The following ZZZ3 variants were observed in gnomAD, a reference collection of about 807,000 sequenced individuals.
ZZZ3 encodes ZZ-type zinc finger-containing protein 3.
Under a neutral mutation model 95.2 loss-of-function variants are expected in ZZZ3, and 22 were observed. That is an observed-to-expected ratio of 0.23 (90% confidence interval 0.17 to 0.33). ZZZ3 has a LOEUF of 0.33. ZZZ3 is among the 10% of genes least tolerant of loss of function. ZZZ3 has a pLI of 1.00. For missense variants in ZZZ3, 885 were observed against 1,066.5 expected, an observed-to-expected ratio of 0.83 and a Z score of 2.37; for synonymous variants, 335 against 358.9, an observed-to-expected ratio of 0.93 and a Z score of 0.75.
chr1:77,624,401 T>C (rs1311192206), intron 5 of ZZZ3, among the ~76,000 whole-genome samples: 1 of 152,130 alleles, frequency 6.6e-6, no homozygotes, highest in Non-Finnish European at 1.5e-5. Context: ...GCCCCAACCC[T>C]TGTGTGCTCT....
intron 4 of ZZZ3, among the ~76,000 whole-genome samples, chr1:77,635,648 G>C (rs1215970596): frequency 6.6e-6 from 1 of 152,208 alleles, no homozygotes; most frequent in Non-Finnish European, 1.5e-5. Flanking sequence ...GCTCATGCCT[G>C]TAATCCCGGT....
intron 1 of ZZZ3, among the ~76,000 whole-genome samples, chr1:77,649,963 A>T (rs930777997): frequency 4.6e-5 from 7 of 152,206 alleles, no homozygotes; most frequent in Non-Finnish European, 8.8e-5. Context: ...TTTATAACAT[A>T]AATGGGAGTA....
At chr1:77,669,747 T>C (rs1028152967) in intron 1 of ZZZ3, among the ~76,000 whole-genome samples, 2 of 152,072 alleles carry the variant, frequency 1.3e-5, no homozygotes, top group Non-Finnish European at 2.9e-5. Flanking sequence ...CGTGAGCCAC[T>C]GCGCCCCGGC....
chr1:77,619,720 C>T (rs951875039), intron 5 of ZZZ3, among the ~76,000 whole-genome samples: 2 of 152,076 alleles, frequency 1.3e-5, no homozygotes, highest in East Asian at 3.8e-4. Context: ...AGGTAACAAA[C>T]TCGGACAACT....
chr1:77,646,127 T>C (rs951987445), intron 1 of ZZZ3, among the ~76,000 whole-genome samples: 2 of 152,202 alleles, frequency 1.3e-5, no homozygotes, highest in African/African-American at 2.4e-5. Flanking sequence ...TCTCAAATTG[T>C]TCCTACCTCT....
intron 5 of ZZZ3, among the ~76,000 whole-genome samples, chr1:77,613,563 C>T (rs1349581771): frequency 6.6e-6 from 1 of 151,590 alleles, no homozygotes; most frequent in East Asian, 1.9e-4. Context: ...GACTGAGGAA[C>T]CAAAATGTCT....
chr1:77,629,599 C>A (rs1351155629), intron 5 of ZZZ3, among the ~76,000 whole-genome samples: 1 of 152,074 alleles, frequency 6.6e-6, no homozygotes, highest in Non-Finnish European at 1.5e-5. Flanking sequence ...GCACTCCAGC[C>A]CGGGTGGCAG....
At chr1:77,643,448 A>G (rs1668966308) in intron 1 of ZZZ3, among the ~76,000 whole-genome samples, 1 of 152,226 alleles carries the variant, frequency 6.6e-6, no homozygotes, top group African/African-American at 2.4e-5. Flanking sequence ...AGAAGTTTAA[A>G]AAACAGCATT....
intron 1 of ZZZ3, among the ~76,000 whole-genome samples, chr1:77,646,374 C>CT (rs1557759049): frequency 6.6e-6 from 1 of 152,010 alleles, no homozygotes; most frequent in African/African-American, 2.4e-5. Context: ...GTGCATGCCA[C>CT]TACGCCCAGC....
rs778066272 is a variant in ZZZ3, at chr1:77,633,390, C to G, written c.-36G>C. 3.3e-6 allele frequency: 5 copies of G among 1,537,258 alleles called. No homozygotes were observed. The Admixed American group carries it at 6.5e-5, about 20-fold the overall frequency. ...GTCCCTACAATACGGTCATCATGAT[C>G]CACTCATTGGGAAACCTTCAAAAAT... On this transcript the variant is annotated 5_prime_UTR_variant, in exon 5 of 15. Transcript: ENST00000370801.
intron 5 of ZZZ3, among the ~76,000 whole-genome samples, chr1:77,630,559 A>C (rs1294498522): frequency 2.0e-5 from 3 of 151,576 alleles, no homozygotes; most frequent in Admixed American, 6.6e-5. Context: ...TTTCTAATAC[A>C]AAAAAAACTT....
chr1:77,601,979 C>T (rs1230561135), intron 5 of ZZZ3, among the ~76,000 whole-genome samples: 2 of 152,264 alleles, frequency 1.3e-5, no homozygotes, highest in South Asian at 2.1e-4. Flanking sequence ...AAGGAAGTTC[C>T]GCTCTGCTAA....
At chr1:77,582,768 G>A (rs1662657430) in intron 6 of ZZZ3, among the ~76,000 whole-genome samples, 1 of 149,700 alleles carries the variant, frequency 6.7e-6, no homozygotes, top group African/African-American at 2.5e-5. Flanking sequence ...AAATTATTAA[G>A]ATGGTCAACA....
At chr1:77,593,671 C>T (rs980274691) in intron 5 of ZZZ3, among the ~76,000 whole-genome samples, 7 of 152,074 alleles carry the variant, frequency 4.6e-5, no homozygotes, top group Admixed American at 3.3e-4. Context: ...CAACTATAGG[C>T]TATTTGATTT....
At chr1:77,614,380 T>C (rs536146667) in intron 5 of ZZZ3, among the ~76,000 whole-genome samples, 48 of 152,306 alleles carry the variant, frequency 3.2e-4, no homozygotes, top group Non-Finnish European at 1.9e-4. Flanking sequence ...TTCAAAGAGA[T>C]TGACTCCTTC....
chr1:77,670,035 T>C (rs1336817866), intron 1 of ZZZ3, among the ~76,000 whole-genome samples: 3 of 148,990 alleles, frequency 2.0e-5, no homozygotes, highest in African/African-American at 7.5e-5. Context: ...GACTAACAAA[T>C]TCCCCCAAAA....
chr1:77,665,970 G>A (rs1671212543), intron 1 of ZZZ3, among the ~76,000 whole-genome samples: 2 of 152,198 alleles, frequency 1.3e-5, no homozygotes, highest in African/African-American at 4.8e-5. Context: ...GAACCCAGAA[G>A]GCGGAGGGTG....
intron 5 of ZZZ3, among the ~76,000 whole-genome samples, chr1:77,605,208 C>T (rs1037045338): frequency 2.0e-5 from 3 of 152,150 alleles, no homozygotes; most frequent in Non-Finnish European, 4.4e-5. Flanking sequence ...CCACAAGGCA[C>T]AGAGAGAAAA....
chr1:77,626,284 C>T (rs942280642), intron 5 of ZZZ3, among the ~76,000 whole-genome samples: 2 of 152,200 alleles, frequency 1.3e-5, no homozygotes, highest in Admixed American at 1.3e-4. Context: ...GGGGTTGTTT[C>T]AGGATGATTC....
Sources: gnomAD v4.1 joint callset for allele counts (sites outside exome capture counted in the v4.1 genomes callset) on GRCh38, gnomAD v4.1.1 for gene constraint, MANE v1.5 for transcripts, NCBI Gene and HGNC (gene_info 2026-07-23, HGNC 2026-07-21) for gene names.